BCAS3: variants seen among roughly 807,000 people sequenced by gnomAD.
The protein encoded by BCAS3 is BCAS3 microtubule associated cell migration factor.
In BCAS3, 53 loss-of-function variants were observed where a neutral mutation model predicts 116.1. That is an observed-to-expected ratio of 0.46 (90% CI 0.37 to 0.57). The LOEUF is 0.57. Among genes scored for constraint, BCAS3 ranks in the 20% least tolerant of loss-of-function variants. The pLI is 0.00. For synonymous variants in BCAS3, 391 were observed against 408.2 expected (o/e 0.96, Z 0.51); for missense variants, 917 against 1,165.4 (o/e 0.79, Z 3.10).
intron 6 of BCAS3, among the ~76,000 whole-genome samples, chr17:60,807,404 T>C (rs1488997357): frequency 6.6e-6 from 1 of 152,166 alleles, no homozygotes; most frequent in Non-Finnish European, 1.5e-5. Context: ...TTTAGGTAAT[T>C]AGTTGGTGGG....
chr17:61,345,150 C>G (rs2057430409), intron 22 of BCAS3, among the ~76,000 whole-genome samples: 1 of 152,148 alleles, frequency 6.6e-6, no homozygotes, highest in Non-Finnish European at 1.5e-5. Flanking sequence ...CAAAAACTCT[C>G]CAGAATGTAT....
intron 10 of BCAS3, among the ~76,000 whole-genome samples, chr17:60,890,018 G>A (rs750228043): frequency 2.6e-5 from 4 of 152,202 alleles, no homozygotes; most frequent in Non-Finnish European, 5.9e-5. Context: ...GTTTTATATA[G>A]AGAACTTCAT....
intron 15 of BCAS3, among the ~76,000 whole-genome samples, chr17:61,011,017 TCTC>T (rs1478997896): frequency 6.6e-6 from 1 of 152,004 alleles, no homozygotes; most frequent in Admixed American, 6.6e-5. Context: ...CACTTACAGG[TCTC>T]CTCTTAGCTG....
In BCAS3 at chr17:61,227,283, T is replaced by C. The variant is rs1244528072; in HGVS notation, c.2426-141044T>C. 1.3e-5 allele frequency among the ~76,000 whole-genome samples: 2 copies of C among 152,208 alleles called. No individual in the cohort carries two copies. Among genetic ancestry groups the C allele is most frequent in the African/African-American group, 4.8e-5 (2 of 41,458 alleles). ...TGAAAAAAATGCAGATACTCATACA[T>C]ATACAATGTCGCATGTGCTTTCAGG... is the stretch of plus-strand genomic sequence containing the variant. On this transcript the variant is annotated intron_variant, in intron 22 of 23. Transcript: ENST00000407086. The surrounding 1 kb of genome is among the most constrained non-coding windows in gnomAD (Gnocchi z 6.1).
Position 61,366,359 on chromosome 17 carries a change from A to C in BCAS3, c.2426-1968A>C, listed in dbSNP as rs1269388518. On this transcript the variant is annotated intron_variant, in intron 22 of 23. Coordinates refer to ENST00000407086, the MANE Select transcript of BCAS3 (RefSeq NM_017679.5). This position sits in a 1 kb window ranked among gnomAD's most constrained non-coding sequence, Gnocchi z 4.5. Reference sequence around the variant, plus strand: ...TGTGAGACAGGGCAAAGGGTTATTCATTCTAGTTTAGAGATGGAAAAGGAG... The same window carrying C: ...TGTGAGACAGGGCAAAGGGTTATTCCTTCTAGTTTAGAGATGGAAAAGGAG... Among the ~76,000 whole-genome samples, 2 of 152,240 alleles carry C rather than the reference A, an allele frequency of 1.3e-5. No homozygotes were observed. Among genetic ancestry groups the C allele is most frequent in the Non-Finnish European group, 2.9e-5 (2 of 68,044 alleles).
chr17:60,947,376 G>T, intron 14 of BCAS3, 24 bp downstream of exon 14: 5 of 1,605,034 alleles, frequency 3.1e-6, no homozygotes, highest in Non-Finnish European at 4.3e-6. Flanking sequence ...TTTTTCAGAA[G>T]GCGATTTCTT....
intron 6 of BCAS3, among the ~76,000 whole-genome samples, chr17:60,787,514 C>T (rs1419985919): frequency 2.6e-5 from 4 of 152,076 alleles, no homozygotes; most frequent in Admixed American, 2.6e-4. Flanking sequence ...TATGAACATT[C>T]TCATGCAAGT....
rs2064856683 is a variant in BCAS3 at position 61,008,236 on chromosome 17, A to G, written c.1487-7515A>G. ...GATTATACTGGAACATGCCTGAGAAAAGGTCATAAAGGAGGGTGAAAGTCC... is the reference window on the plus strand; with the variant it reads ...GATTATACTGGAACATGCCTGAGAAGAGGTCATAAAGGAGGGTGAAAGTCC... On this transcript the variant is annotated intron_variant, in intron 15 of 23. Coordinates refer to ENST00000407086, the MANE Select transcript of BCAS3 (RefSeq NM_017679.5). This position sits in a 1 kb window ranked among gnomAD's most constrained non-coding sequence, Gnocchi z 4.6. 6.6e-6 allele frequency among the ~76,000 whole-genome samples: 1 copy of G among 151,986 alleles called. No individual in the cohort carries two copies. The highest frequency in any genetic ancestry group is 2.4e-5 in the African/African-American group (1 of 41,388).
chr17:61,119,338 T>C (rs1183226295), intron 22 of BCAS3, among the ~76,000 whole-genome samples: 1 of 152,116 alleles, frequency 6.6e-6, no homozygotes, highest in Non-Finnish European at 1.5e-5. Context: ...AATGTTACAG[T>C]AAAAGAATCA....
chr17:61,272,426 A>G, intron 22 of BCAS3, among the ~76,000 whole-genome samples: 1 of 152,076 alleles, frequency 6.6e-6, no homozygotes, highest in East Asian at 1.9e-4. Context: ...TGAGCTCAGG[A>G]GCTCGAGACC....
Position 60,947,350 on chromosome 17 carries a change from A to C in BCAS3, c.1219A>C (p.Lys407Gln), listed in dbSNP as rs756719817. The stretch of plus-strand genomic sequence containing the variant: ...TCTTCACAGGGGAGAAACTGAAGCC[A>C]AAGTAAGCTGTATAATTTTTCAGAA... ...YTLHRGETEA[K>Q]VQDICFSHDC... The change falls in exon 14 of 24, where the codon AAA becomes CAA. Residue 407 changes from lysine to glutamine, a missense_variant and splice_region_variant. By Grantham distance (53) the Lys-to-Gln change is moderately conservative. Around this residue, in one of 3 missense-constraint regions of BCAS3, gnomAD observed 807 missense variants for 1,026.0 expected, o/e 0.79. Coordinates refer to ENST00000407086, the MANE Select transcript of BCAS3 (RefSeq NM_017679.5). The C allele has an allele frequency of 1.2e-6, 2 of 1,612,688 alleles. No individual in the cohort carries two copies. The highest frequency in any genetic ancestry group is 2.2e-5 in the East Asian group (1 of 44,860).
chr17:61,070,400 T>TATATATATATATATATATATATATATATA (rs1555698457), intron 19 of BCAS3: 1 of 180,732 alleles, frequency 5.5e-6, no homozygotes, highest in Non-Finnish European at 1.1e-5. Context: ...TATATATATA[T>TATATATATATATATATATATATATATATA]CTTTTCACCA....
At position 61,380,811 on chromosome 17, in the gene BCAS3, A is replaced by G. The variant is rs554363806; in HGVS notation, c.2594-11166A>G. On this transcript the variant is annotated intron_variant, in intron 23 of 23. Coordinates refer to ENST00000407086, the MANE Select transcript of BCAS3 (RefSeq NM_017679.5). The surrounding 1 kb of genome is among the most constrained non-coding windows in gnomAD (Gnocchi z 4.2). ...CGCCACTCCCTGCCCCCCACTTTGAAGATGGAAGTGAAATTTTCGGACTCT... is the reference window on the plus strand; with the variant it reads ...CGCCACTCCCTGCCCCCCACTTTGAGGATGGAAGTGAAATTTTCGGACTCT... Among the ~76,000 whole-genome samples, 26 of 152,322 alleles carry G rather than the reference A, an allele frequency of 1.7e-4. No individual in the cohort carries two copies. In the East Asian group the frequency reaches 4.8e-3, roughly 28 times the overall value.
intron 14 of BCAS3, among the ~76,000 whole-genome samples, chr17:60,955,666 G>A (rs2061094906): frequency 1.3e-5 from 2 of 152,124 alleles, no homozygotes; most frequent in Non-Finnish European, 2.9e-5. Context: ...TTACAGGCAT[G>A]AGCCACCGTG....
chr17:60,979,441 G>T (rs531182417), intron 14 of BCAS3, among the ~76,000 whole-genome samples: 1 of 149,436 alleles, frequency 6.7e-6, no homozygotes, highest in African/African-American at 2.6e-5. Context: ...CAATCATGTC[G>T]TCTGCAAACA....
intron 16 of BCAS3, among the ~76,000 whole-genome samples, chr17:61,024,428 G>A (rs1235666393): frequency 6.6e-6 from 1 of 152,056 alleles, no homozygotes; most frequent in East Asian, 1.9e-4. Context: ...ATCCTAGTTT[G>A]ATTGAATTAG....
chr17:61,230,022 G>A (rs1190139007), intron 22 of BCAS3, among the ~76,000 whole-genome samples: 2 of 152,116 alleles, frequency 1.3e-5, no homozygotes, highest in African/African-American at 2.4e-5. Flanking sequence ...CTACTCAGGA[G>A]GCTGAGCCAG....
intron 6 of BCAS3, among the ~76,000 whole-genome samples, chr17:60,751,443 G>A (rs903088200): frequency 2.0e-5 from 3 of 151,534 alleles, no homozygotes; most frequent in Admixed American, 6.6e-5. Context: ...CCTCACTTTT[G>A]TAATAAAATG....
intron 9 of BCAS3, among the ~76,000 whole-genome samples, chr17:60,875,873 C>T (rs555013079): frequency 1.3e-5 from 2 of 152,040 alleles, no homozygotes; most frequent in African/African-American, 4.8e-5. Context: ...GTATGATGAA[C>T]ACCCACGCAT....
Sources: allele counts gnomAD v4.1 joint callset (sites outside exome capture counted in the v4.1 genomes callset), GRCh38; gene constraint gnomAD v4.1.1; regional missense constraint gnomAD v4.1.1; non-coding constraint Gnocchi (gnomAD v3.1); transcripts MANE v1.5; gene names NCBI Gene and HGNC (gene_info 2026-07-23, HGNC 2026-07-21).